The following SYMPK variants were observed in gnomAD, a reference collection of about 807,000 sequenced individuals.
SYMPK encodes the protein symplekin scaffold protein, also known as symplekin.
A neutral mutation model predicts 136.4 loss-of-function variants in SYMPK; 49 were observed. That is an observed-to-expected ratio of 0.36 (90% CI 0.29 to 0.46). The LOEUF (loss-of-function observed/expected upper bound fraction) is 0.46. SYMPK is among the 20% of genes least tolerant of loss of function. The pLI, the probability that SYMPK is intolerant of heterozygous loss-of-function variation, is 1.00. For synonymous variants in SYMPK, 766 were observed against 713.0 expected, an observed-to-expected ratio of 1.07 and a Z score of -1.19; for missense variants, 1,365 against 1,690.0, an observed-to-expected ratio of 0.81 and a Z score of 3.37.
Position 45,862,976 on chromosome 19 carries a change from CG to C in SYMPK, c.-13+81del, listed in dbSNP as rs556082231. 25 of 400,436 alleles carry C rather than the reference CG, an allele frequency of 6.2e-5. No individual in the cohort carries two copies. The East Asian group carries it at 7.5e-4, about 12-fold the overall frequency. 24.8% of individuals were successfully genotyped at this position (400,436 alleles called of 1,614,324 possible). ...AGCCACTGTTCCCCTCTCCCCACGG[CG>C]ATGCCCTCCCCGCCCGAGCCCCTGC... On this transcript the variant is annotated intron_variant, in intron 1 of 26. Coordinates refer to ENST00000245934, the MANE Select transcript of SYMPK (RefSeq NM_004819.3).
intron 9 of SYMPK, among the ~76,000 whole-genome samples, chr19:45,839,595 C>T (rs555787100): frequency 1.3e-5 from 2 of 151,986 alleles, no homozygotes; most frequent in East Asian, 3.9e-4. Flanking sequence ...ACCTGTAATC[C>T]CAGCACTTTG....
Position 45,832,296 on chromosome 19 carries a change from C to T in SYMPK, c.1394-708G>A, listed in dbSNP as rs562459600. 1.8e-3 allele frequency among the ~76,000 whole-genome samples: 277 copies of T among 152,256 alleles called. 1 individual carries two copies. Among genetic ancestry groups the T allele is most frequent in the Non-Finnish European group, 2.4e-3 (160 of 68,024 alleles). On this transcript the variant is annotated intron_variant, in intron 11 of 26. Coordinates refer to ENST00000245934, the MANE Select transcript of SYMPK (RefSeq NM_004819.3). ...AGCTGGGATTATAGACACCCACTGC[C>T]ACACCCAGCTAATTTTTTTGTTTTC...
At chr19:45,842,998 AG>A in intron 8 of SYMPK, 1 of 158,390 alleles carries the variant, frequency 6.3e-6, no homozygotes, top group South Asian at 1.9e-4. Flanking sequence ...CTCTCCGTTA[AG>A]GGAGACCCCC....
intron 9 of SYMPK, among the ~76,000 whole-genome samples, chr19:45,839,624 A>AT (rs1322001056): frequency 6.6e-6 from 1 of 151,968 alleles, no homozygotes; most frequent in African/African-American, 2.4e-5. Flanking sequence ...AGGTCAGGAG[A>AT]TCGAGACCAT....
chr19:45,829,934 G>T, intron 13 of SYMPK, 120 bp downstream of exon 13: 16 of 1,177,622 alleles, frequency 1.4e-5, no homozygotes, highest in Non-Finnish European at 1.6e-5. Flanking sequence ...GCTGTGGGCA[G>T]CAGAGCTGGG....
intron 22 of SYMPK, chr19:45,819,562 A>G (rs531610452): frequency 1.3e-5 from 2 of 152,274 alleles, no homozygotes; most frequent in Non-Finnish European, 2.9e-5. Context: ...GCTGGGTTAC[A>G]TGGCCCCTCT....
chr19:45,854,291 T>C (rs762114660), intron 2 of SYMPK, 51 bp from the exon 3 acceptor site: 7 of 1,608,340 alleles, frequency 4.4e-6, no homozygotes, highest in Non-Finnish European at 3.4e-6. Context: ...TCCAGCCCAG[T>C]GCAGCCCCCT....
intron 23 of SYMPK, among the ~76,000 whole-genome samples, chr19:45,817,503 C>T (rs1196077823): frequency 6.8e-5 from 10 of 147,974 alleles, no homozygotes; most frequent in Non-Finnish European, 3.0e-5. Context: ...GCGTTTCTTC[C>T]TCACTGCAGC....
At chr19:45,822,927 C>G (rs780191424) in intron 20 of SYMPK, 81 bp from the exon 21 acceptor site, 8 of 1,220,510 alleles carry the variant, frequency 6.6e-6, no homozygotes, top group East Asian at 2.4e-5. Context: ...CCCTTCTGCT[C>G]GCCCTGGGGA....
At chr19:45,846,795 T>C (rs565787327) in intron 7 of SYMPK, among the ~76,000 whole-genome samples, 1 of 136,636 alleles carries the variant, frequency 7.3e-6, no homozygotes, top group African/African-American at 2.7e-5. Context: ...AGTGTATATA[T>C]AGTACTTTTT....
In SYMPK at chr19:45,829,023, G is replaced by A. The variant is rs1971109748; in HGVS notation, c.1932C>T (p.Asp644=). The A allele has an allele frequency of 6.2e-7, 1 of 1,614,090 alleles. No homozygotes were observed. Among genetic ancestry groups the A allele is most frequent in the African/African-American group, 1.3e-5 (1 of 74,928 alleles). The change falls in exon 14 of 27, where the codon GAC becomes GAT. Residue 644 remains aspartate (D), a synonymous_variant. Transcript: ENST00000245934. ...GASGSLDKYE[D]CLIRLLSGLQ... ...GGCCAGACAACAGGCGGATGAGGCA[G>A]TCCTCATACTTGTCCAGGGAGCCCG...
intron 8 of SYMPK, among the ~76,000 whole-genome samples, 159 bp downstream of exon 8, chr19:45,843,871 G>A (rs1034965414): frequency 4.6e-5 from 7 of 150,576 alleles, no homozygotes. Context: ...TTGAACTGGG[G>A]AGGCAGAGGT....
In SYMPK at chr19:45,815,640, G is replaced by T; in HGVS notation, c.3745C>A (p.Pro1249Thr). 1 of 1,610,446 alleles carries T rather than the reference G, an allele frequency of 6.2e-7. No homozygotes were observed. Among genetic ancestry groups the T allele is most frequent in the South Asian group, 1.1e-5 (1 of 90,530 alleles). ...GTCTTCATAGCATCTTCTCCAACAG[G>T]TGCGAGGGTCTGGGGGCTCCGCTCC... ...KEERSPQTLA[P>T]VGEDAMKTPS... The change falls in exon 27 of 27, where the codon CCT becomes ACT. Residue 1249 changes from proline (P) to threonine (T), a missense_variant. This residue lies in a region of SYMPK where 341 missense variants were observed against 270.5 expected (regional missense o/e 1.26). Coordinates refer to ENST00000245934, the MANE Select transcript of SYMPK (RefSeq NM_004819.3).
At position 45,816,835 on chromosome 19, in the gene SYMPK, G is replaced by A. The variant is rs1970755580; in HGVS notation, c.3221C>T (p.Pro1074Leu). 6.5e-7 allele frequency: 1 copy of A among 1,545,688 alleles called. No individual in the cohort carries two copies. The highest frequency in any genetic ancestry group is 8.7e-7 in the Non-Finnish European group (1 of 1,145,330). The change falls in exon 24 of 27, where the codon CCC (proline) becomes CTC (leucine). Residue 1074 changes from proline to leucine, a missense_variant. By Grantham distance (98) the Pro-to-Leu change is moderately conservative (BLOSUM62 -3). Around this residue, in one of 11 missense-constraint regions of SYMPK, gnomAD observed 341 missense variants for 270.5 expected, o/e 1.26. Transcript: ENST00000245934. ...GAAGGAGCGGACATGGGCCAGCAGG[G>A]GCTCCCGGAGCTCTGGGCACTTGTC... Reference protein sequence around the residue: ...VFDKCPELREPLLAHVRSFTP... With the variant: ...VFDKCPELRELLLAHVRSFTP...
At chr19:45,816,603 C>T in intron 24 of SYMPK, 26 bp from the exon 25 acceptor site, 1 of 1,612,686 alleles carries the variant, frequency 6.2e-7, no homozygotes, top group Non-Finnish European at 8.5e-7. Flanking sequence ...GAAGGGGGCG[C>T]TGGGGGCAGC....
chr19:45,846,800 CTT>C (rs35159561), intron 7 of SYMPK, among the ~76,000 whole-genome samples: 2 of 144,398 alleles, frequency 1.4e-5, no homozygotes. Flanking sequence ...ATATATAGTA[CTT>C]TTTTTTTTTT....
intron 1 of SYMPK, among the ~76,000 whole-genome samples, chr19:45,859,591 C>T (rs1022048077): frequency 1.3e-5 from 2 of 151,988 alleles, no homozygotes; most frequent in African/African-American, 4.8e-5. Context: ...CAGAGCAAGA[C>T]TCTGTCTCAA....
Position 45,815,648 on chromosome 19 carries a change from G to A in SYMPK, c.3737C>T (p.Thr1246Ile). ...AGCATCTTCTCCAACAGGTGCGAGG[G>A]TCTGGGGGCTCCGCTCCTCCTTCAA... ...LTLKEERSPQ[T>I]LAPVGEDAMK... The change falls in exon 27 of 27, where the codon ACC (threonine) becomes ATC (isoleucine). Residue 1246 changes from threonine to isoleucine, a missense_variant. By Grantham distance (89) the Thr-to-Ile change is moderately conservative. This residue lies in a region of SYMPK where 341 missense variants were observed against 270.5 expected (regional missense o/e 1.26). Transcript: ENST00000245934. 2.5e-6 allele frequency: 4 copies of A among 1,611,016 alleles called. No individual in the cohort carries two copies. The highest frequency in any genetic ancestry group is 2.5e-6 in the Non-Finnish European group (3 of 1,179,240).
In SYMPK at chr19:45,815,434, C is replaced by CT; in HGVS notation, c.*125dup. 13 of 1,073,854 alleles carry CT rather than the reference C, an allele frequency of 1.2e-5. No homozygotes were observed. In the South Asian group the frequency reaches 1.6e-4, roughly 13 times the overall value. The allele number at this position is 1,073,854 out of a possible 1,614,324, so 66.5% of individuals were successfully genotyped here. ...AGGCCCGCCATCCCTTTTTTTTTTTCTTTTCAGTAACTTGCCCAAGTTCAC... is the reference window on the plus strand; with the variant it reads ...AGGCCCGCCATCCCTTTTTTTTTTTCTTTTTCAGTAACTTGCCCAAGTTCAC... On this transcript the variant is annotated 3_prime_UTR_variant, in exon 27 of 27. Transcript: ENST00000245934.
Sources: gnomAD v4.1 joint callset for allele counts (sites outside exome capture counted in the v4.1 genomes callset) on GRCh38, gnomAD v4.1.1 for gene constraint, gnomAD v4.1.1 regional missense constraint, MANE v1.5 for transcripts, NCBI Gene and HGNC (gene_info 2026-07-23, HGNC 2026-07-21) for gene names.